CEP295: variants seen among roughly 807,000 people sequenced by gnomAD.
CEP295 encodes centrosomal protein 295.
Under a neutral mutation model 291.6 loss-of-function variants are expected in CEP295, and 190 were observed. The ratio of observed to expected loss-of-function variants is 0.65; its 90% CI spans 0.58 to 0.73. CEP295 has a LOEUF of 0.73. CEP295 is among the 30% of genes least tolerant of loss of function. The pLI is 0.00. For synonymous variants in CEP295, 993 were observed against 1,038.8 expected (o/e 0.96, Z 0.85); for missense variants, 2,863 against 2,949.4 (o/e 0.97, Z 0.68).
At chr11:93,679,283 C>T (rs1950848316) in intron 6 of CEP295, 129 bp from the exon 7 acceptor site, 2 of 773,982 alleles carry the variant, frequency 2.6e-6, no homozygotes, top group Non-Finnish European at 4.1e-6. Context: ...TAATTGTGGA[C>T]ATTTTAAAAT....
At position 93,675,679 on chromosome 11, in the gene CEP295, T is replaced by C. The variant is rs1392267226; in HGVS notation, c.624+13T>C. On this transcript the variant is annotated intron_variant, in intron 6 of 29. Coordinates refer to ENST00000325212, the MANE Select transcript of CEP295 (RefSeq NM_033395.2). ...AGACACAAAACGGGTGATTGACTTATTGTTTCTTCATGCCCTCGCTTTATT... is the reference window on the plus strand; with the variant it reads ...AGACACAAAACGGGTGATTGACTTACTGTTTCTTCATGCCCTCGCTTTATT... 6.3e-6 allele frequency: 8 copies of C among 1,265,230 alleles called. No homozygotes were observed. Among genetic ancestry groups the C allele is most frequent in the East Asian group, 2.8e-5 (1 of 36,136 alleles). The allele number at this position is 1,265,230 out of a possible 1,614,324, so 78.4% of individuals were successfully genotyped here.
Position 93,699,021 on chromosome 11 carries a change from A to G in CEP295, c.4109A>G (p.Gln1370Arg). 1 of 1,547,474 alleles carries G rather than the reference A, an allele frequency of 6.5e-7. No individual in the cohort carries two copies. The highest frequency in any genetic ancestry group is 8.7e-7 in the Non-Finnish European group (1 of 1,147,044). Residue 1370 changes from glutamine to arginine, a missense_variant, in exon 15 of 30, where the codon CAA becomes CGA. Coordinates refer to ENST00000325212, the MANE Select transcript of CEP295 (RefSeq NM_033395.2). ...AGAGAAGCCATCATTCTAGCTAGAC[A>G]AGAAGCTCGGGAAGAATTACTTTTA... ...TQREAIILAR[Q>R]EAREELLLHQ...
chr11:93,715,480 C>G (rs529502821), intron 18 of CEP295, among the ~76,000 whole-genome samples: 1 of 152,232 alleles, frequency 6.6e-6, no homozygotes, highest in African/African-American at 2.4e-5. Context: ...TGCTATTCCC[C>G]ACTGTGGCCA....
At chr11:93,721,666 GT>G in intron 19 of CEP295, 1 of 59,406 alleles carries the variant, frequency 1.7e-5, no homozygotes, top group Non-Finnish European at 2.8e-5. Context: ...CATATGTCTG[GT>G]GTGTGTGTGT....
intron 1 of CEP295, among the ~76,000 whole-genome samples, chr11:93,665,253 T>C (rs1296030416): frequency 6.6e-6 from 1 of 152,236 alleles, no homozygotes; most frequent in Non-Finnish European, 1.5e-5. Context: ...ATGGCAGTAA[T>C]AGGAGCCAGT....
At chr11:93,669,838 G>A (rs915257461) in intron 5 of CEP295, 68 bp downstream of exon 5, 24 of 983,998 alleles carry the variant, frequency 2.4e-5, no homozygotes, top group Middle Eastern at 4.2e-4. Context: ...GTGGAGGTCA[G>A]AATGACTATC....
At chr11:93,705,202 G>C (rs528403749) in intron 17 of CEP295, among the ~76,000 whole-genome samples, 67 of 152,204 alleles carry the variant, frequency 4.4e-4, no homozygotes, top group African/African-American at 1.6e-3. Flanking sequence ...GCCGTGCTAT[G>C]CATTCTTAAC....
At chr11:93,666,095 G>A (rs184785632) in intron 1 of CEP295, among the ~76,000 whole-genome samples, 3 of 152,276 alleles carry the variant, frequency 2.0e-5, no homozygotes, top group African/African-American at 4.8e-5. Context: ...CCAGATACTC[G>A]AGGTAGACAA....
Position 93,675,602 on chromosome 11 carries a change from A to G in CEP295, c.560A>G (p.Lys187Arg), listed in dbSNP as rs1324918089. ...NIEVKRISAV[K>R]TNSSTYHHLH... is the part of the protein sequence containing the mutation. ...GAAGTAAAAAGAATTTCTGCAGTCAAAACCAATAGTTCTACCTACCATCAT... is the reference window on the plus strand; with the variant it reads ...GAAGTAAAAAGAATTTCTGCAGTCAGAACCAATAGTTCTACCTACCATCAT... The change falls in exon 6 of 30, where the codon AAA (lysine) becomes AGA (arginine). Residue 187 changes from lysine to arginine, a missense_variant. This residue lies in a region of CEP295 where 554 missense variants were observed against 576.0 expected (regional missense o/e 0.96). Transcript: ENST00000325212. 6.6e-7 allele frequency: 1 copy of G among 1,511,552 alleles called. No individual in the cohort carries two copies. The highest frequency in any genetic ancestry group is 8.8e-7 in the Non-Finnish European group (1 of 1,132,794). 93.6% of individuals were successfully genotyped at this position (1,511,552 alleles called of 1,614,324 possible). A position where few individuals can be genotyped will look rare whatever the true frequency, so the allele number is the denominator to read the frequency against.
At chr11:93,729,822 T>C in intron 27 of CEP295, 41 bp downstream of exon 27, 1 of 1,537,172 alleles carries the variant, frequency 6.5e-7, no homozygotes. Context: ...CTCCCTGAAA[T>C]GTTTAAAGCC....
chr11:93,724,175 C>T (rs1953966626), intron 21 of CEP295, 79 bp from the exon 22 acceptor site: 1 of 1,318,038 alleles, frequency 7.6e-7, no homozygotes, highest in Non-Finnish European at 1.0e-6. Flanking sequence ...CTTAATACTC[C>T]TTTTCTAGTG....
chr11:93,723,967 A>T, intron 21 of CEP295: 1 of 172,720 alleles, frequency 5.8e-6, no homozygotes, highest in Non-Finnish European at 1.2e-5. Context: ...TTTTAAAAAA[A>T]AATTTTTTAA....
intron 11 of CEP295, 47 bp downstream of exon 11, chr11:93,691,822 CTTTTTTTTAAATAAAA>C (rs1951567257): frequency 4.5e-6 from 6 of 1,329,498 alleles, no homozygotes; most frequent in Non-Finnish European, 6.3e-6. Context: ...CTCCTTGCAT[CTTTTTTTTAAATAAAA>C]TTACATGTGA....
chr11:93,721,305 T>C lies in CEP295; in HGVS notation c.5750-7T>C, dbSNP rs1233845781. On this transcript the variant is annotated splice_region_variant and splice_polypyrimidine_tract_variant and intron_variant, in intron 18 of 29. Transcript: ENST00000325212. Reference sequence around the variant, plus strand: ...TCCCATCTTGAACTCCAAAATCCATTTTTCAGTTAAGCTGAAGGAATCTGT... The same window carrying C: ...TCCCATCTTGAACTCCAAAATCCATCTTTCAGTTAAGCTGAAGGAATCTGT... The C allele has an allele frequency of 6.5e-7, 1 of 1,537,938 alleles. No individual in the cohort carries two copies.
In CEP295 at chr11:93,730,084, A is replaced by AG; in HGVS notation, c.7705dup (p.Glu2569GlyfsTer21). On this transcript the variant is annotated frameshift_variant, in exon 29 of 30. Transcript: ENST00000325212. LOFTEE classifies it high-confidence loss of function. ...CAACTAGCTGAAGTGAAACAACAAA[A>AG]GGAAGAAAAAACAAAACAAGAAGCT... 2 of 1,551,206 alleles carry AG rather than the reference A, an allele frequency of 1.3e-6. No individual in the cohort carries two copies. Among genetic ancestry groups the AG allele is most frequent in the Non-Finnish European group, 1.7e-6 (2 of 1,146,872 alleles).
At chr11:93,687,537 T>C in intron 9 of CEP295, 107 bp from the exon 10 acceptor site, 1 of 611,388 alleles carries the variant, frequency 1.6e-6, no homozygotes, top group Non-Finnish European at 2.8e-6. Context: ...AAAATAAAAC[T>C]GTGCTTTTAA....
intron 4 of CEP295, among the ~76,000 whole-genome samples, chr11:93,669,310 G>T (rs1475888981): frequency 6.6e-6 from 1 of 151,942 alleles, no homozygotes; most frequent in Admixed American, 6.6e-5. Context: ...TTTTTTGCAT[G>T]TTGTAAAAAT....
intron 4 of CEP295, 67 bp from the exon 5 acceptor site, chr11:93,669,610 T>G: frequency 9.5e-7 from 1 of 1,052,700 alleles, no homozygotes. Context: ...ACTTACATAT[T>G]TTTAACCCTG....
At position 93,679,516 on chromosome 11, in the gene CEP295, G is replaced by A; in HGVS notation, c.729G>A (p.Arg243=). Residue 243 remains arginine (R), a synonymous_variant, in exon 7 of 30, where the codon CGG becomes CGA. Coordinates refer to ENST00000325212, the MANE Select transcript of CEP295 (RefSeq NM_033395.2). ...RMERFEKAHV[R]GFQAMKKIHL... ...AACGGTTTGAAAAGGCACATGTACG[G>A]GGATTCCAAGCAATGAAGAAGATCC... 2 of 1,551,396 alleles carry A rather than the reference G, an allele frequency of 1.3e-6. No individual in the cohort carries two copies. The highest frequency in any genetic ancestry group is 1.2e-5 in the South Asian group (1 of 84,036).
Sources: allele counts gnomAD v4.1 joint callset (sites outside exome capture counted in the v4.1 genomes callset), GRCh38; gene constraint gnomAD v4.1.1; regional missense constraint gnomAD v4.1.1; transcripts MANE v1.5; gene names NCBI Gene and HGNC (gene_info 2026-07-23, HGNC 2026-07-21).